Variants in ARID3A observed in about 807,000 individuals in gnomAD.
The protein encoded by ARID3A is AT-rich interactive domain-containing protein 3A.
In ARID3A, 11 loss-of-function variants were observed where a neutral mutation model predicts 52.7. The ratio of observed to expected loss-of-function variants is 0.21; its 90% confidence interval spans 0.13 to 0.35. The LOEUF is 0.35. Among genes scored for constraint, ARID3A ranks in the 10% least tolerant of loss-of-function variants. The pLI, the probability that ARID3A is intolerant of heterozygous loss-of-function variation, is 1.00. For missense variants in ARID3A, 721 were observed against 838.5 expected, an observed-to-expected ratio of 0.86 and a Z score of 1.73; for synonymous variants, 404 against 359.4, an observed-to-expected ratio of 1.12 and a Z score of -1.40.
intron 3 of ARID3A, among the ~76,000 whole-genome samples, chr19:934,179 C>T (rs1038270623): frequency 2.6e-5 from 4 of 152,212 alleles, no homozygotes; most frequent in Non-Finnish European, 4.4e-5. Flanking sequence ...CCTCCATCCC[C>T]GCAGGGTTAT....
chr19:968,685 G>A, intron 8 of ARID3A, 182 bp downstream of exon 8: 1 of 583,154 alleles, frequency 1.7e-6, no homozygotes, highest in East Asian at 2.9e-5. Flanking sequence ...CGTTCACCCG[G>A]TACCACGCTC....
rs975797819 is a variant in ARID3A at position 941,920 on chromosome 19, G to A, written c.693+9178G>A. The stretch of plus-strand genomic sequence containing the variant: ...GTGCGCACGTGTGCCCGTGACAGAC[G>A]ACCTTCCTGTGTGCCTGAGCATTTG... On this transcript the variant is annotated intron_variant, in intron 3 of 8. Transcript: ENST00000263620. This position sits in a 1 kb window ranked among gnomAD's most constrained non-coding sequence, Gnocchi z 6.9. Among the ~76,000 whole-genome samples the A allele has an allele frequency of 2.0e-5, 3 of 152,052 alleles. No homozygotes were observed. Among genetic ancestry groups the A allele is most frequent in the Admixed American group, 6.5e-5 (1 of 15,268 alleles).
chr19:934,725 G>A (rs903967284), intron 3 of ARID3A, among the ~76,000 whole-genome samples: 1 of 152,286 alleles, frequency 6.6e-6, no homozygotes, highest in South Asian at 2.1e-4. Context: ...AGGGCCTAGG[G>A]ATGGTCGTGG....
At chr19:955,351 G>A (rs951353849) in intron 3 of ARID3A, among the ~76,000 whole-genome samples, 2 of 152,184 alleles carry the variant, frequency 1.3e-5, no homozygotes, top group African/African-American at 2.4e-5. Flanking sequence ...CCACAGCAAC[G>A]GCCATTAGAG....
At chr19:954,574 G>A (rs1366500020) in intron 3 of ARID3A, among the ~76,000 whole-genome samples, 1 of 152,228 alleles carries the variant, frequency 6.6e-6, no homozygotes, top group Non-Finnish European at 1.5e-5. Context: ...ACAAATGCGT[G>A]AATCCACACA....
chr19:962,504 C>T (rs1003031734), intron 4 of ARID3A, among the ~76,000 whole-genome samples: 1 of 132,656 alleles, frequency 7.5e-6, no homozygotes, highest in Admixed American at 8.3e-5. Context: ...CAACCCTCTG[C>T]TGCTGATCCT....
intron 1 of ARID3A, among the ~76,000 whole-genome samples, chr19:926,764 A>T (rs1392578779): frequency 6.6e-6 from 1 of 150,820 alleles, no homozygotes; most frequent in Non-Finnish European, 1.5e-5. Flanking sequence ...GGCCCCCCAG[A>T]CACAAAAGCG....
intron 3 of ARID3A, among the ~76,000 whole-genome samples, chr19:935,484 A>G (rs893484962): frequency 6.6e-6 from 1 of 152,038 alleles, no homozygotes; most frequent in African/African-American, 2.4e-5. Context: ...TTATTGGATT[A>G]TTATTATTTT....
Position 962,411 on chromosome 19 carries a change from G to A in ARID3A, c.767-1837G>A, listed in dbSNP as rs145754301. Among the ~76,000 whole-genome samples, 296 of 151,650 alleles carry A rather than the reference G, an allele frequency of 2.0e-3. No individual in the cohort carries two copies. The Middle Eastern group carries it at 0.037, about 19-fold the overall frequency. ...CCACCCTTCCTTATCTGGGCCCCAC[G>A]ACGGGCCCTGGTGATGCTCCCAGCT... On this transcript the variant is annotated intron_variant, in intron 4 of 8. Transcript: ENST00000263620.
In ARID3A at chr19:929,456, GC is replaced by G; in HGVS notation, c.-68del. Reference sequence around the variant, plus strand: ...GCCGGGCCCCCTCCCCGCAGGGGCCGCCCCCGCCGCCCACCCCTAGCGCCCG... The same window carrying G: ...GCCGGGCCCCCTCCCCGCAGGGGCCGCCCCGCCGCCCACCCCTAGCGCCCG... On this transcript the variant is annotated 5_prime_UTR_variant, in exon 2 of 9. Transcript: ENST00000263620. This position sits in a 1 kb window ranked among gnomAD's most constrained non-coding sequence, Gnocchi z 6.2. 1 of 1,088,906 alleles carries G rather than the reference GC, an allele frequency of 9.2e-7. No homozygotes were observed. Among genetic ancestry groups the G allele is most frequent in the Non-Finnish European group, 1.2e-6 (1 of 847,198 alleles). 67.5% of individuals were successfully genotyped at this position (1,088,906 alleles called of 1,614,324 possible). A position where few individuals can be genotyped will look rare whatever the true frequency, so the allele number is the denominator to read the frequency against.
rs534929571 is a variant in ARID3A, at chr19:932,605, G to T, written c.556G>T (p.Asp186Tyr). The change falls in exon 3 of 9, where the codon GAT becomes TAT. Residue 186 changes from aspartate to tyrosine, a missense_variant. Asp to Tyr is a radical substitution (Grantham distance 160). Around this residue, in one of 5 missense-constraint regions of ARID3A, gnomAD observed 349 missense variants for 297.3 expected, o/e 1.17. Transcript: ENST00000263620. ...KAQPPQAFRG[D>Y]GVPRVLGGQE... ...CCAGCCACCCCAGGCCTTCCGCGGC[G>T]ATGGCGTTCCCAGGGTGCTGGGGGG... 2.0e-6 allele frequency: 3 copies of T among 1,518,786 alleles called. No individual in the cohort carries two copies. Among genetic ancestry groups the T allele is most frequent in the South Asian group, 1.2e-5 (1 of 80,840 alleles). The allele number at this position is 1,518,786 out of a possible 1,614,324, so 94.1% of individuals were successfully genotyped here. A position where few individuals can be genotyped will look rare whatever the true frequency, so the allele number is the denominator to read the frequency against.
intron 3 of ARID3A, among the ~76,000 whole-genome samples, chr19:933,802 G>A (rs570877420): frequency 3.4e-5 from 5 of 148,474 alleles, no homozygotes; most frequent in Admixed American, 6.8e-5. Context: ...GCTGAAAGCC[G>A]GACACGGTGT....
intron 3 of ARID3A, among the ~76,000 whole-genome samples, chr19:948,918 G>A (rs949200683): frequency 4.6e-5 from 7 of 151,836 alleles, no homozygotes; most frequent in Admixed American, 2.6e-4. Flanking sequence ...CATGTTGGCC[G>A]GGCTGGTCTC....
intron 3 of ARID3A, among the ~76,000 whole-genome samples, chr19:933,236 C>T (rs1283836240): frequency 1.3e-5 from 2 of 152,082 alleles, no homozygotes; most frequent in Non-Finnish European, 2.9e-5. Flanking sequence ...GGTGTGGCTG[C>T]AGGAGACGCA....
intron 8 of ARID3A, among the ~76,000 whole-genome samples, chr19:970,525 T>G (rs111233275): frequency 0.087 from 11,945 of 137,062 alleles, 708 homozygotes; most frequent in South Asian, 0.22. Context: ...TTTTTTTTTT[T>G]GAGACAGAGT....
At chr19:935,622 C>T (rs189270081) in intron 3 of ARID3A, among the ~76,000 whole-genome samples, 30 of 152,182 alleles carry the variant, frequency 2.0e-4, no homozygotes, top group African/African-American at 3.4e-4. Flanking sequence ...CGAGTACAGA[C>T]GGGCGCCACC....
chr19:940,052 C>T (rs141696965), intron 3 of ARID3A, among the ~76,000 whole-genome samples: 1 of 151,740 alleles, frequency 6.6e-6, no homozygotes, highest in South Asian at 2.1e-4. Context: ...CAGGGCTGGG[C>T]TAGAGGGGAT....
chr19:953,759 G>C (rs944838469), intron 3 of ARID3A, among the ~76,000 whole-genome samples: 11 of 152,180 alleles, frequency 7.2e-5, no homozygotes, highest in African/African-American at 2.7e-4. Flanking sequence ...CCCTGGGGTG[G>C]GGGCCTGTGC....
rs2037564864 is a variant in ARID3A at position 941,936 on chromosome 19, T to G, written c.693+9194T>G. ...GTGACAGACGACCTTCCTGTGTGCC[T>G]GAGCATTTGGGAGCCTCGTGCTGGA... On this transcript the variant is annotated intron_variant, in intron 3 of 8. Coordinates refer to ENST00000263620, the MANE Select transcript of ARID3A (RefSeq NM_005224.3). This position sits in a 1 kb window ranked among gnomAD's most constrained non-coding sequence, Gnocchi z 6.9. Among the ~76,000 whole-genome samples, 1 of 152,088 alleles carries G rather than the reference T, an allele frequency of 6.6e-6. No individual in the cohort carries two copies.
Sources: allele counts gnomAD v4.1 joint callset (sites outside exome capture counted in the v4.1 genomes callset), GRCh38; gene constraint gnomAD v4.1.1; regional missense constraint gnomAD v4.1.1; non-coding constraint Gnocchi (gnomAD v3.1); transcripts MANE v1.5; gene names NCBI Gene and HGNC (gene_info 2026-07-23, HGNC 2026-07-21).